AMPH: variants seen among roughly 807,000 people sequenced by gnomAD.
The protein encoded by AMPH is amphiphysin.
AMPH carries 49 observed loss-of-function variants against 99.1 expected under a neutral mutation model. That is an observed-to-expected ratio of 0.49 (90% CI 0.39 to 0.63). The LOEUF (loss-of-function observed/expected upper bound fraction) is 0.63. Ranked by LOEUF, AMPH falls within the 20% of genes least tolerant of loss-of-function variation. AMPH has a pLI of 0.00. For missense variants in AMPH, 759 were observed against 863.4 expected (o/e 0.88, Z 1.52); for synonymous variants, 314 against 317.3 (o/e 0.99, Z 0.11).
chr7:38,620,305 C>T lies in AMPH; in HGVS notation c.69+10978G>A, dbSNP rs1353859872. Reference sequence around the variant, plus strand: ...TCCCTCTCTGCCCCACCCCCGTGTACATTATATACCAATTCATTGGAGATA... The same window carrying T: ...TCCCTCTCTGCCCCACCCCCGTGTATATTATATACCAATTCATTGGAGATA... On this transcript the variant is annotated intron_variant, in intron 1 of 20. Coordinates refer to ENST00000356264, the MANE Select transcript of AMPH (RefSeq NM_001635.4). 2.0e-5 allele frequency among the ~76,000 whole-genome samples: 3 copies of T among 150,084 alleles called. No individual in the cohort carries two copies. The East Asian group carries it at 6.0e-4, about 30-fold the overall frequency.
At chr7:38,517,611 G>A (rs892116855) in intron 2 of AMPH, among the ~76,000 whole-genome samples, 1 of 152,178 alleles carries the variant, frequency 6.6e-6, no homozygotes, top group Non-Finnish European at 1.5e-5. Flanking sequence ...TGATGCACAA[G>A]GATATCTGGT....
intron 13 of AMPH, among the ~76,000 whole-genome samples, chr7:38,431,002 CAT>C (rs1459527068): frequency 6.6e-6 from 1 of 152,162 alleles, no homozygotes; most frequent in Non-Finnish European, 1.5e-5. Context: ...AAGAAGAAAA[CAT>C]ACAACTTAAG....
intron 1 of AMPH, among the ~76,000 whole-genome samples, chr7:38,541,307 C>T (rs1406581054): frequency 2.0e-5 from 1 of 50,924 alleles, no homozygotes; most frequent in Non-Finnish European, 4.8e-5. Context: ...AGCTGCTTGT[C>T]CTAAAGCTTC....
At chr7:38,474,489 AACTTTAGTATAG>A (rs1339906410) in intron 7 of AMPH, among the ~76,000 whole-genome samples, 1 of 152,202 alleles carries the variant, frequency 6.6e-6, no homozygotes, top group East Asian at 1.9e-4. Flanking sequence ...AAAATGGGCA[AACTTTAGTATAG>A]ACCCTCAAAA....
chr7:38,445,076 C>T (rs62446782), intron 11 of AMPH, among the ~76,000 whole-genome samples: 15,056 of 147,818 alleles, frequency 0.1, 1,075 homozygotes, highest in Non-Finnish European at 0.15. Context: ...TATATATACA[C>T]ATATATACAT....
intron 14 of AMPH, 106 bp downstream of exon 14, chr7:38,429,736 A>G: frequency 7.2e-7 from 1 of 1,380,852 alleles, no homozygotes; most frequent in Non-Finnish European, 1.0e-6. Flanking sequence ...GTTTAAATCT[A>G]TGACTAGCAA....
chr7:38,398,193 A>AG (rs1015584090), intron 17 of AMPH, among the ~76,000 whole-genome samples: 2 of 135,192 alleles, frequency 1.5e-5, no homozygotes, highest in East Asian at 5.8e-4. Context: ...AAAAAAAAAA[A>AG]AACAAAAAAA....
intron 1 of AMPH, among the ~76,000 whole-genome samples, chr7:38,545,064 C>T (rs1335759155): frequency 2.0e-5 from 3 of 152,184 alleles, no homozygotes; most frequent in Non-Finnish European, 4.4e-5. Flanking sequence ...TTCTGCAGCT[C>T]GGTAAGTGTC....
chr7:38,480,492 A>G (rs940427210), intron 5 of AMPH, among the ~76,000 whole-genome samples: 5 of 152,128 alleles, frequency 3.3e-5, no homozygotes, highest in African/African-American at 1.2e-4. Context: ...TTATGAGTCA[A>G]CTACAACCTG....
At chr7:38,420,392 C>T (rs1024519010) in intron 16 of AMPH, among the ~76,000 whole-genome samples, 1 of 152,166 alleles carries the variant, frequency 6.6e-6, no homozygotes, top group African/African-American at 2.4e-5. Flanking sequence ...CTACAAGATG[C>T]CTCCCTTGAA....
intron 13 of AMPH, 90 bp from the exon 14 acceptor site, chr7:38,429,955 G>T: frequency 1.6e-6 from 2 of 1,223,610 alleles, no homozygotes; most frequent in Non-Finnish European, 2.3e-6. Flanking sequence ...TCAACATTCT[G>T]CTGAAGGCTA....
At chr7:38,417,302 G>A (rs1481526006) in intron 17 of AMPH, among the ~76,000 whole-genome samples, 7 of 136,092 alleles carry the variant, frequency 5.1e-5, no homozygotes, top group African/African-American at 1.7e-4. Context: ...CTCAAGGTCC[G>A]TATTATTATG....
chr7:38,578,565 C>T (rs553829553), intron 1 of AMPH, among the ~76,000 whole-genome samples: 1 of 152,216 alleles, frequency 6.6e-6, no homozygotes, highest in East Asian at 1.9e-4. Flanking sequence ...AGTTTGAGAA[C>T]AGCCTGGGTA....
At chr7:38,394,322 G>T in intron 17 of AMPH, 108 bp from the exon 18 acceptor site, 1 of 1,189,802 alleles carries the variant, frequency 8.4e-7, no homozygotes, top group Non-Finnish European at 1.2e-6. Flanking sequence ...ATTCAGATTT[G>T]GAACATTCTT....
chr7:38,462,157 T>A (rs1787474232), intron 10 of AMPH, among the ~76,000 whole-genome samples: 1 of 152,224 alleles, frequency 6.6e-6, no homozygotes, highest in African/African-American at 2.4e-5. Context: ...TCAACACGGT[T>A]ATAAAATAGG....
intron 15 of AMPH, among the ~76,000 whole-genome samples, chr7:38,425,450 A>T (rs1785749643): frequency 6.6e-6 from 1 of 152,266 alleles, no homozygotes; most frequent in Non-Finnish European, 1.5e-5. Flanking sequence ...CATATCAATC[A>T]AAAGGCAAAT....
At chr7:38,511,132 A>G (rs1789523848) in intron 2 of AMPH, among the ~76,000 whole-genome samples, 1 of 152,200 alleles carries the variant, frequency 6.6e-6, no homozygotes, top group African/African-American at 2.4e-5. Context: ...GACGAGTTAC[A>G]TAAAGTATCT....
chr7:38,443,784 A>G (rs1196331909), intron 11 of AMPH, among the ~76,000 whole-genome samples: 1 of 152,156 alleles, frequency 6.6e-6, no homozygotes, highest in African/African-American at 2.4e-5. Context: ...TCTAAGATCA[A>G]GACAAGGGTG....
At chr7:38,464,803 T>G (rs555694498) in intron 9 of AMPH, among the ~76,000 whole-genome samples, 48 of 152,260 alleles carry the variant, frequency 3.2e-4, no homozygotes, top group Non-Finnish European at 6.8e-4. Flanking sequence ...CTTCAATCTC[T>G]GAGTACGTAA....
Sources: gnomAD v4.1 joint callset for allele counts (sites outside exome capture counted in the v4.1 genomes callset) on GRCh38, gnomAD v4.1.1 for gene constraint, MANE v1.5 for transcripts, NCBI Gene and HGNC (gene_info 2026-07-23, HGNC 2026-07-21) for gene names.